RBFOX1: variants seen among roughly 807,000 people sequenced by gnomAD.
RBFOX1 encodes the protein RNA binding fox-1 homolog 1, also known as RNA binding protein fox-1 homolog 1.
RBFOX1 carries 8 observed loss-of-function variants against 57.7 expected under a neutral mutation model. The ratio of observed to expected loss-of-function variants is 0.14; its 90% CI spans 0.08 to 0.25. The LOEUF (loss-of-function observed/expected upper bound fraction) is 0.25, where lower values mean the gene tolerates loss of function less well. Among genes scored for constraint, RBFOX1 ranks in the 10% least tolerant of loss-of-function variants. RBFOX1 has a pLI of 1.00. For missense variants in RBFOX1, 611 were observed against 548.5 expected, an observed-to-expected ratio of 1.11 and a Z score of -1.14; for synonymous variants, 326 against 222.4, an observed-to-expected ratio of 1.47 and a Z score of -4.15.
At chr16:6,359,271 T>G (rs369185217) in intron 2 of RBFOX1, among the ~76,000 whole-genome samples, 230 of 152,228 alleles carry the variant, frequency 1.5e-3, no homozygotes, top group African/African-American at 5.0e-3. Context: ...TGTTTGTATT[T>G]TTAGTAGAGA....
intron 1 of RBFOX1, among the ~76,000 whole-genome samples, chr16:5,254,433 C>G (rs2062532075): frequency 6.6e-6 from 1 of 152,112 alleles, no homozygotes; most frequent in South Asian, 2.1e-4. Context: ...TTCTGACTCG[C>G]CTTTAGTAAA....
chr16:7,251,403 C>A (rs1268915735), intron 4 of RBFOX1, among the ~76,000 whole-genome samples: 1 of 113,564 alleles, frequency 8.8e-6, no homozygotes, highest in Non-Finnish European at 1.7e-5. Context: ...ATACTTCTGT[C>A]CGTTTTTTTT....
chr16:5,282,323 G>C (rs2063293233), intron 1 of RBFOX1, among the ~76,000 whole-genome samples: 1 of 152,158 alleles, frequency 6.6e-6, no homozygotes, highest in African/African-American at 2.4e-5. Flanking sequence ...TATCAGCTGT[G>C]TGAAAATGGA....
At chr16:5,961,365 T>C (rs1179566639) in intron 4 of RBFOX1, among the ~76,000 whole-genome samples, 1 of 152,122 alleles carries the variant, frequency 6.6e-6, no homozygotes, top group Admixed American at 6.5e-5. Context: ...GCTTCCAAAA[T>C]TACTCAATAG....
chr16:7,529,562 C>G (rs1329016106), intron 5 of RBFOX1, among the ~76,000 whole-genome samples: 6 of 152,178 alleles, frequency 3.9e-5, no homozygotes, highest in Non-Finnish European at 8.8e-5. Flanking sequence ...CATATTTCCA[C>G]TGCAAATGTT....
intron 1 of RBFOX1, among the ~76,000 whole-genome samples, chr16:6,133,803 C>A (rs930974502): frequency 6.6e-6 from 1 of 152,104 alleles, no homozygotes; most frequent in African/African-American, 2.4e-5. Flanking sequence ...CTGTGCTGTG[C>A]TTCATGCCTC....
chr16:5,395,841 C>A (rs890820536), intron 1 of RBFOX1, among the ~76,000 whole-genome samples: 1 of 152,228 alleles, frequency 6.6e-6, no homozygotes, highest in Non-Finnish European at 1.5e-5. Context: ...TAGCAAGGCA[C>A]TGTGGGCAGC....
intron 4 of RBFOX1, among the ~76,000 whole-genome samples, chr16:7,389,011 A>AT (rs2097938977): frequency 6.6e-6 from 1 of 152,216 alleles, no homozygotes; most frequent in Non-Finnish European, 1.5e-5. Flanking sequence ...TTAAAGTGTG[A>AT]TACAAGTTCT....
chr16:6,549,090 G>A (rs1230445452), intron 2 of RBFOX1, among the ~76,000 whole-genome samples: 1 of 129,910 alleles, frequency 7.7e-6, no homozygotes, highest in Non-Finnish European at 1.6e-5. Context: ...AAGGGAGGAG[G>A]GAAGAGGAGG....
chr16:6,052,903 T>C (rs1422229235), intron 1 of RBFOX1, among the ~76,000 whole-genome samples: 2 of 151,164 alleles, frequency 1.3e-5, no homozygotes. Flanking sequence ...TCCCTAGGAG[T>C]AGGGTTGGGC....
At chr16:6,509,633 G>T (rs1036324729) in intron 2 of RBFOX1, among the ~76,000 whole-genome samples, 6 of 152,108 alleles carry the variant, frequency 3.9e-5, no homozygotes, top group Non-Finnish European at 7.4e-5. Context: ...GCAAAACAGG[G>T]TGACTGTAGT....
chr16:7,698,491 G>A (rs1206161076), intron 14 of RBFOX1, among the ~76,000 whole-genome samples: 5 of 152,100 alleles, frequency 3.3e-5, no homozygotes, highest in South Asian at 2.1e-4. Flanking sequence ...ACAAGGAGGT[G>A]TCACCAGCGC....
chr16:7,465,362 G>A (rs138849979), intron 4 of RBFOX1, among the ~76,000 whole-genome samples: 13 of 152,292 alleles, frequency 8.5e-5, no homozygotes, highest in Middle Eastern at 3.4e-3. Context: ...CCATAAGGGC[G>A]GAGACCTTGG....
At chr16:6,537,697 T>C (rs890716500) in intron 2 of RBFOX1, among the ~76,000 whole-genome samples, 1 of 151,932 alleles carries the variant, frequency 6.6e-6, no homozygotes, top group African/African-American at 2.4e-5. Context: ...CTTACAAATA[T>C]TAATTGAGTT....
At chr16:5,342,653 G>C (rs1351846795) in intron 1 of RBFOX1, among the ~76,000 whole-genome samples, 1 of 151,992 alleles carries the variant, frequency 6.6e-6, no homozygotes, top group Non-Finnish European at 1.5e-5. Flanking sequence ...TCTGTGCTGG[G>C]GTAGGAGAGC....
chr16:7,588,667 C>T (rs538417627), intron 7 of RBFOX1, among the ~76,000 whole-genome samples: 67 of 152,264 alleles, frequency 4.4e-4, no homozygotes, highest in Non-Finnish European at 6.6e-4. Context: ...GTCGGTATCA[C>T]GGAGGGTCAG....
At chr16:5,808,963 A>C (rs2055326414) in intron 3 of RBFOX1, among the ~76,000 whole-genome samples, 1 of 152,186 alleles carries the variant, frequency 6.6e-6, no homozygotes, top group Non-Finnish European at 1.5e-5. Context: ...TATGTTGAAT[A>C]GGAGTGGTGA....
At chr16:6,026,942 C>G (rs192619094) in intron 1 of RBFOX1, among the ~76,000 whole-genome samples, 37 of 152,364 alleles carry the variant, frequency 2.4e-4, no homozygotes, top group Non-Finnish European at 2.9e-5. Context: ...CTCACTCCAT[C>G]TAATCACCGT....
intron 4 of RBFOX1, among the ~76,000 whole-genome samples, chr16:7,400,523 C>T (rs1161047371): frequency 1.3e-5 from 2 of 152,082 alleles, no homozygotes; most frequent in African/African-American, 4.8e-5. Flanking sequence ...CCTCCTGGTC[C>T]CTTACAAATA....
Sources: gnomAD v4.1 joint callset for allele counts (sites outside exome capture counted in the v4.1 genomes callset) on GRCh38, gnomAD v4.1.1 for gene constraint, MANE v1.5 for transcripts, NCBI Gene and HGNC (gene_info 2026-07-23, HGNC 2026-07-21) for gene names.